ZNF254: variants seen among roughly 807,000 people sequenced by gnomAD.
The protein encoded by ZNF254 is CTD-2017D11.1.
In ZNF254, 10 loss-of-function variants were observed where a neutral mutation model predicts 12.4. The observed-to-expected ratio is 0.80, with a 90% confidence interval of 0.50 to 1.36. The LOEUF is 1.36. Ranked by LOEUF, ZNF254 falls within the 40% of genes most tolerant of loss-of-function variation. ZNF254 has a pLI of 0.00. For missense variants in ZNF254, 996 were observed against 763.9 expected, an observed-to-expected ratio of 1.30 and a Z score of -3.58; for synonymous variants, 305 against 253.4, an observed-to-expected ratio of 1.20 and a Z score of -1.93.
intron 2 of ZNF254, among the ~76,000 whole-genome samples, chr19:24,061,736 T>C (rs543543734): frequency 1.3e-5 from 2 of 152,246 alleles, no homozygotes; most frequent in African/African-American, 4.8e-5. Flanking sequence ...CTCTAATACC[T>C]CCTACCAGCC....
chr19:24,057,191 G>T (rs912495620), intron 2 of ZNF254, among the ~76,000 whole-genome samples: 1 of 152,202 alleles, frequency 6.6e-6, no homozygotes, highest in African/African-American at 2.4e-5. Context: ...TGTGATTTAT[G>T]TATGCACACT....
At chr19:24,057,808 A>G (rs1970917868) in intron 2 of ZNF254, among the ~76,000 whole-genome samples, 1 of 152,224 alleles carries the variant, frequency 6.6e-6, no homozygotes, top group African/African-American at 2.4e-5. Context: ...TCATTCAATG[A>G]TTCAATTCAT....
chr19:24,067,808 T>C (rs747421532), intron 2 of ZNF254, among the ~76,000 whole-genome samples: 6 of 152,012 alleles, frequency 3.9e-5, no homozygotes, highest in Non-Finnish European at 5.9e-5. Flanking sequence ...ATATTTTGCA[T>C]TGTGACGTGT....
chr19:24,100,920 C>G (rs1394856660), intron 1 of ZNF254, among the ~76,000 whole-genome samples: 1 of 151,804 alleles, frequency 6.6e-6, no homozygotes, highest in Non-Finnish European at 1.5e-5. Flanking sequence ...CTCCGCCTCC[C>G]AAGTTCAAGT....
rs779840609 is a variant in ZNF254 at position 24,126,451 on chromosome 19, A to G, written c.451A>G (p.Ser151Gly). The change falls in exon 4 of 4, where the codon AGC (serine) becomes GGC (glycine). Residue 151 changes from serine to glycine, a missense_variant. Coordinates refer to ENST00000357002, the MANE Select transcript of ZNF254 (RefSeq NM_203282.4). ...GLNQCFTTAQ[S>G]KVFQCDKYLK... Reference sequence around the variant, plus strand: ...TAACCAGTGTTTCACAACTGCCCAGAGCAAAGTATTTCAATGTGATAAATA... The same window carrying G: ...TAACCAGTGTTTCACAACTGCCCAGGGCAAAGTATTTCAATGTGATAAATA... 33 of 1,595,938 alleles carry G rather than the reference A, an allele frequency of 2.1e-5. No homozygotes were observed. Among genetic ancestry groups the G allele is most frequent in the Non-Finnish European group, 2.8e-5 (33 of 1,174,284 alleles).
Position 24,126,865 on chromosome 19 carries a change from A to G in ZNF254, c.865A>G (p.Thr289Ala), listed in dbSNP as rs759741667. The change falls in exon 4 of 4, where the codon ACT becomes GCT. Residue 289 changes from threonine to alanine, a missense_variant. By Grantham distance (58) the Thr-to-Ala change is moderately conservative. Transcript: ENST00000357002. Reference protein sequence around the residue: ...SNLTTHKIIHTGEKPYKCEEC... With the variant: ...SNLTTHKIIHAGEKPYKCEEC... ...TCTTACTACACATAAGATAATTCAT[A>G]CTGGAGAGAAACCTTACAAGTGTGA... The G allele has an allele frequency of 2.1e-5, 34 of 1,613,392 alleles. No individual in the cohort carries two copies. The Admixed American group carries it at 5.0e-4, about 24-fold the overall frequency.
At chr19:24,096,003 C>T (rs549903555) in intron 1 of ZNF254, among the ~76,000 whole-genome samples, 4 of 150,024 alleles carry the variant, frequency 2.7e-5, no homozygotes, top group Non-Finnish European at 4.4e-5. Flanking sequence ...CTATAAATTT[C>T]CCTTTAACAT....
intron 1 of ZNF254, among the ~76,000 whole-genome samples, chr19:24,036,789 A>G (rs62117635): frequency 0.16 from 24,233 of 152,042 alleles, 2,085 homozygotes; most frequent in Middle Eastern, 0.23. Flanking sequence ...TGGAAGAAAG[A>G]AGTTCTGAAA....
At chr19:24,082,767 C>G (rs1406815817), upstream of ZNF254, among the ~76,000 whole-genome samples, 1 of 151,624 alleles carries the variant, frequency 6.6e-6, no homozygotes, top group East Asian at 2.0e-4. Flanking sequence ...CTCCTGAGAG[C>G]TGTGTCACAG....
intron 2 of ZNF254, among the ~76,000 whole-genome samples, chr19:24,050,270 C>G (rs1469468098): frequency 6.6e-6 from 1 of 152,112 alleles, no homozygotes; most frequent in African/African-American, 2.4e-5. Context: ...AGTGATTCTC[C>G]TGCCTCAGCC....
At chr19:24,047,816 T>G (rs530359240) in intron 2 of ZNF254, among the ~76,000 whole-genome samples, 6 of 151,038 alleles carry the variant, frequency 4.0e-5, no homozygotes, top group Admixed American at 1.3e-4. Flanking sequence ...GCCTCCCAAG[T>G]AGCTGGGATT....
chr19:24,107,031 G>A (rs944653016), intron 3 of ZNF254: 2 of 456,130 alleles, frequency 4.4e-6, no homozygotes, highest in African/African-American at 4.1e-5. Flanking sequence ...TGTGAGAGTA[G>A]TAGTTTCTGT....
At chr19:24,041,433 G>A (rs1970152725) in intron 1 of ZNF254, among the ~76,000 whole-genome samples, 2 of 152,214 alleles carry the variant, frequency 1.3e-5, no homozygotes, top group Admixed American at 6.5e-5. Context: ...TGCTGGCCCC[G>A]GGCAATGGGG....
chr19:24,110,415 G>A (rs1973596763), intron 3 of ZNF254, among the ~76,000 whole-genome samples: 1 of 151,720 alleles, frequency 6.6e-6, no homozygotes, highest in Non-Finnish European at 1.5e-5. Context: ...TTTTTTCTAA[G>A]AAATAGCCAG....
At chr19:24,095,075 G>T (rs1470810142) in intron 1 of ZNF254, among the ~76,000 whole-genome samples, 1 of 152,158 alleles carries the variant, frequency 6.6e-6, no homozygotes, top group African/African-American at 2.4e-5. Context: ...TCAATGGCTA[G>T]GTTGTTGAGG....
intron 2 of ZNF254, 167 bp from the exon 3 acceptor site, chr19:24,106,381 C>T: frequency 1.8e-6 from 1 of 567,698 alleles, no homozygotes; most frequent in Non-Finnish European, 2.6e-6. Flanking sequence ...AATTAAGAAC[C>T]TAAAAAATTA....
Position 24,126,974 on chromosome 19 carries a change from A to G in ZNF254, c.974A>G (p.Glu325Gly). 2 of 1,613,694 alleles carry G rather than the reference A, an allele frequency of 1.2e-6. No individual in the cohort carries two copies. Among genetic ancestry groups the G allele is most frequent in the Non-Finnish European group, 1.7e-6 (2 of 1,179,794 alleles). ...ACTAGAAAGAAACCCTACAAGTGTG[A>G]AGAATGTGGCAAAGCATTTATATGG... Reference protein sequence around the residue: ...IHTRKKPYKCEECGKAFIWSS... With the variant: ...IHTRKKPYKCGECGKAFIWSS... The change falls in exon 4 of 4, where the codon GAA (glutamate) becomes GGA (glycine). Residue 325 changes from glutamate to glycine, a missense_variant. Coordinates refer to ENST00000357002, the MANE Select transcript of ZNF254 (RefSeq NM_203282.4).
chr19:24,116,910 A>G (rs1029944057), intron 3 of ZNF254, among the ~76,000 whole-genome samples: 9 of 152,034 alleles, frequency 5.9e-5, no homozygotes, highest in African/African-American at 2.2e-4. Context: ...TTTCCTTCTA[A>G]CAGACAGGAC....
At chr19:24,098,988 C>CTCTTT (rs1972835008) in intron 1 of ZNF254, 1 of 74,768 alleles carries the variant, frequency 1.3e-5, no homozygotes, top group African/African-American at 6.5e-5. Flanking sequence ...AGGCTTCGCT[C>CTCTTT]TTTTTTTTTT....
Sources: gnomAD v4.1 joint callset for allele counts (sites outside exome capture counted in the v4.1 genomes callset) on GRCh38, gnomAD v4.1.1 for gene constraint, MANE v1.5 for transcripts, NCBI Gene and HGNC (gene_info 2026-07-23, HGNC 2026-07-21) for gene names.